The following LINGO2 variants were observed in gnomAD, a reference collection of about 807,000 sequenced individuals.
LINGO2 encodes the protein leucine rich repeat and Ig domain containing 2, also known as leucine-rich repeat and immunoglobulin-like domain-containing nogo receptor-interacting protein 2.
In LINGO2, 14 loss-of-function variants were observed where a neutral mutation model predicts 30.6. The observed-to-expected ratio is 0.46, with a 90% CI of 0.30 to 0.72. The LOEUF is 0.72. Among genes scored for constraint, LINGO2 ranks in the 30% least tolerant of loss-of-function variants. The pLI, the probability that LINGO2 is intolerant of heterozygous loss-of-function variation, is 0.07. For synonymous variants in LINGO2, 317 were observed against 288.5 expected, an observed-to-expected ratio of 1.10 and a Z score of -1.00; for missense variants, 729 against 751.7, an observed-to-expected ratio of 0.97 and a Z score of 0.35.
At chr9:28,028,978 C>G (rs1823528333) in intron 4 of LINGO2, among the ~76,000 whole-genome samples, 1 of 152,138 alleles carries the variant, frequency 6.6e-6, no homozygotes, top group Non-Finnish European at 1.5e-5. Context: ...GCACAGACAA[C>G]TGCTTATTGG....
chr9:28,552,214 T>G (rs184191512), intron 1 of LINGO2, among the ~76,000 whole-genome samples: 330 of 152,158 alleles, frequency 2.2e-3, no homozygotes, highest in Non-Finnish European at 3.4e-3. Flanking sequence ...CAGACCTGCC[T>G]ACAGCTGTCA....
intron 1 of LINGO2, among the ~76,000 whole-genome samples, chr9:28,591,290 C>G (rs937472374): frequency 1.3e-5 from 2 of 152,038 alleles, no homozygotes; most frequent in African/African-American, 2.4e-5. Flanking sequence ...CACATGTACC[C>G]TAAAACTTAA....
intron 1 of LINGO2, among the ~76,000 whole-genome samples, chr9:28,620,621 C>T (rs2135823201): frequency 6.6e-6 from 1 of 152,004 alleles, no homozygotes; most frequent in Middle Eastern, 3.4e-3. Context: ...ACAGAGAGAG[C>T]CAAGACAGAA....
In LINGO2 at chr9:28,599,594, T is replaced by A. The variant is rs569148980; in HGVS notation, c.-365+70606A>T. On this transcript the variant is annotated intron_variant, in intron 1 of 5. Coordinates refer to ENST00000379992, the Ensembl canonical transcript of LINGO2. ...ACATATTTTCAGGAGCAAATCAGAT[T>A]TGGATAATAAAGAAAGTTTATTGTT... is the stretch of plus-strand genomic sequence containing the variant. Among the ~76,000 whole-genome samples, 6 of 152,242 alleles carry A rather than the reference T, an allele frequency of 3.9e-5. No homozygotes were observed. In the South Asian group the frequency reaches 1.2e-3, roughly 32 times the overall value.
chr9:28,853,919 C>A, the LINGO2 span, among the ~76,000 whole-genome samples: 1 of 151,846 alleles, frequency 6.6e-6, no homozygotes, highest in African/African-American at 2.4e-5. Flanking sequence ...AACTAAGCCA[C>A]AATTTCCTCT....
Position 28,130,470 on chromosome 9 carries a change from A to C in LINGO2, c.-86-118065T>G, listed in dbSNP as rs151201937. ...TTAAATTTAAGTCAAATTTTTGTGA[A>C]TCTCTCACCATGTTACCACTGACAG... On this transcript the variant is annotated intron_variant, in intron 4 of 5. Transcript: ENST00000379992. The surrounding 1 kb of genome is among the most constrained non-coding windows in gnomAD (Gnocchi z 5.2). Among the ~76,000 whole-genome samples, 867 of 152,256 alleles carry C rather than the reference A, an allele frequency of 5.7e-3. 10 individuals carry two copies. The highest frequency in any genetic ancestry group is 0.017 in the African/African-American group (706 of 41,558).
the LINGO2 span, among the ~76,000 whole-genome samples, chr9:28,868,631 G>A: frequency 6.6e-6 from 1 of 151,978 alleles, no homozygotes; most frequent in African/African-American, 2.4e-5. Context: ...CTTTGGAAAG[G>A]GAATGAGAGA....
Position 28,003,290 on chromosome 9 carries a change from A to T in LINGO2, c.-36+9065T>A, listed in dbSNP as rs928371760. On this transcript the variant is annotated intron_variant, in intron 5 of 5. Transcript: ENST00000379992. ...TCACTGATTCACAAAAAATTGGGTAATTATCTCACTCATTTTTATTAGTTT... is the reference window on the plus strand; with the variant it reads ...TCACTGATTCACAAAAAATTGGGTATTTATCTCACTCATTTTTATTAGTTT... 1.7e-4 allele frequency among the ~76,000 whole-genome samples: 26 copies of T among 151,994 alleles called. 1 individual carries two copies. The highest frequency in any genetic ancestry group is 3.9e-4 in the Admixed American group (6 of 15,236).
chr9:29,080,510 T>C, the LINGO2 span, among the ~76,000 whole-genome samples: 1 of 152,140 alleles, frequency 6.6e-6, no homozygotes, highest in Admixed American at 6.6e-5. Flanking sequence ...TGCTCTTGCT[T>C]CTCTAGTTCT....
chr9:29,000,876 G>A, the LINGO2 span, among the ~76,000 whole-genome samples: 1 of 151,874 alleles, frequency 6.6e-6, no homozygotes, highest in Non-Finnish European at 1.5e-5. Context: ...TGATTCTTGG[G>A]CATGTGTGGA....
chr9:28,555,850 A>T (rs1362796606), intron 1 of LINGO2, among the ~76,000 whole-genome samples: 2 of 152,116 alleles, frequency 1.3e-5, no homozygotes, highest in East Asian at 3.8e-4. Context: ...AATATAAGCA[A>T]ATCAATAAAT....
At chr9:28,861,756 T>C in the LINGO2 span, among the ~76,000 whole-genome samples, 3 of 151,930 alleles carry the variant, frequency 2.0e-5, no homozygotes, top group Admixed American at 6.6e-5. Flanking sequence ...ATATGTTTTT[T>C]GTCTCTTACC....
the LINGO2 span, among the ~76,000 whole-genome samples, chr9:28,707,959 A>T: frequency 6.6e-6 from 1 of 152,126 alleles, no homozygotes; most frequent in African/African-American, 2.4e-5. Flanking sequence ...CACTGAACTC[A>T]TTCACTGTTA....
chr9:28,823,605 T>C, the LINGO2 span, among the ~76,000 whole-genome samples: 4 of 152,174 alleles, frequency 2.6e-5, no homozygotes, highest in Admixed American at 6.5e-5. Flanking sequence ...CTATCCATCA[T>C]GCTGTGAGAA....
chr9:28,575,434 A>C (rs536899111), intron 1 of LINGO2, among the ~76,000 whole-genome samples: 57 of 151,864 alleles, frequency 3.8e-4, no homozygotes, highest in East Asian at 9.7e-4. Flanking sequence ...AAACAACACA[A>C]AAAAAACCAC....
chr9:28,511,707 A>G (rs1820393208), intron 1 of LINGO2, among the ~76,000 whole-genome samples: 1 of 152,148 alleles, frequency 6.6e-6, no homozygotes, highest in South Asian at 2.1e-4. Context: ...CAATTTTCCA[A>G]TCATGCTTCT....
At chr9:29,150,196 G>A in the LINGO2 span, among the ~76,000 whole-genome samples, 3 of 152,104 alleles carry the variant, frequency 2.0e-5, no homozygotes, top group Admixed American at 1.3e-4. Flanking sequence ...GTGAATACTA[G>A]GGCAAAAATC....
At chr9:28,003,296 TC>T in intron 5 of LINGO2, among the ~76,000 whole-genome samples, 1 of 152,212 alleles carries the variant, frequency 6.6e-6, no homozygotes, top group South Asian at 2.1e-4. Context: ...GGTAATTATC[TC>T]ACTCATTTTT....
At chr9:28,117,916 G>C (rs1167074207) in intron 4 of LINGO2, among the ~76,000 whole-genome samples, 1 of 152,178 alleles carries the variant, frequency 6.6e-6, no homozygotes, top group Non-Finnish European at 1.5e-5. Flanking sequence ...CAAGACATGG[G>C]GGCAGCAAGA....
Sources: allele counts gnomAD v4.1 joint callset (sites outside exome capture counted in the v4.1 genomes callset), GRCh38; gene constraint gnomAD v4.1.1; non-coding constraint Gnocchi (gnomAD v3.1); transcripts MANE v1.5; gene names NCBI Gene and HGNC (gene_info 2026-07-23, HGNC 2026-07-21).